The following NR3C2 variants were observed in gnomAD, a reference collection of about 807,000 sequenced individuals.
NR3C2 encodes the protein mineralocorticoid receptor.
NR3C2 carries 15 observed loss-of-function variants against 86.4 expected under a neutral mutation model. The ratio of observed to expected loss-of-function variants is 0.17; its 90% CI spans 0.12 to 0.27. The LOEUF is 0.27. NR3C2 is among the 10% of genes least tolerant of loss of function. The probability of loss-of-function intolerance (pLI) is 1.00; values close to 1 mark genes in which losing one functional copy is unlikely to be tolerated. For missense variants in NR3C2, 960 were observed against 1,195.6 expected (o/e 0.80, Z 2.91); for synonymous variants, 458 against 450.5 (o/e 1.02, Z -0.21).
intron 8 of NR3C2, among the ~76,000 whole-genome samples, chr4:148,107,951 C>T (rs528411288): frequency 6.6e-6 from 1 of 152,236 alleles, no homozygotes; most frequent in South Asian, 2.1e-4. Context: ...CACCATGGCA[C>T]ATGTATACCT....
At chr4:148,423,103 T>C (rs545709653) in intron 2 of NR3C2, among the ~76,000 whole-genome samples, 4 of 152,274 alleles carry the variant, frequency 2.6e-5, no homozygotes, top group African/African-American at 9.6e-5. Flanking sequence ...TCCCAACCAG[T>C]TGGGCTCCTA....
chr4:148,195,406 T>C (rs944694355), intron 3 of NR3C2, among the ~76,000 whole-genome samples: 30 of 152,312 alleles, frequency 2.0e-4, no homozygotes, highest in African/African-American at 6.0e-4. Flanking sequence ...AAATATGAAA[T>C]TGTAGCCTAG....
chr4:148,361,492 G>GC (rs1207185031), intron 2 of NR3C2, among the ~76,000 whole-genome samples: 4 of 152,206 alleles, frequency 2.6e-5, no homozygotes, highest in African/African-American at 9.6e-5. Context: ...GTAAGTTACT[G>GC]CCCTTAGGGG....
Position 148,436,049 on chromosome 4 carries a change from G to A in NR3C2, c.812C>T (p.Ser271Leu), listed in dbSNP as rs770935365. 6.2e-7 allele frequency: 1 copy of A among 1,614,208 alleles called. No homozygotes were observed. The highest frequency in any genetic ancestry group is 8.5e-7 in the Non-Finnish European group (1 of 1,180,038). Residue 271 changes from serine (S) to leucine (L), a missense_variant, in exon 2 of 9, where the codon TCA (serine) becomes TTA (leucine). Transcript: ENST00000358102. Reference protein sequence around the residue: ...LSSPLSSMKSSISSPPSHCSV... With the variant: ...LSSPLSSMKSLISSPPSHCSV... ...GCAGTGACTTGGAGGGCTGGAAATT[G>A]AGGATTTCATGCTACTTAACGGACT...
At chr4:148,092,646 T>A (rs746608005) in intron 8 of NR3C2, among the ~76,000 whole-genome samples, 5 of 152,212 alleles carry the variant, frequency 3.3e-5, no homozygotes, top group Non-Finnish European at 7.3e-5. Context: ...ATGAGCATCT[T>A]CATTTTGTGG....
chr4:148,100,426 T>C (rs923919352), intron 8 of NR3C2, among the ~76,000 whole-genome samples: 1 of 152,088 alleles, frequency 6.6e-6, no homozygotes, highest in South Asian at 2.1e-4. Flanking sequence ...TTGAAAGACG[T>C]TTCTTCAAAG....
At chr4:148,086,195 A>G (rs1730804203) in intron 8 of NR3C2, among the ~76,000 whole-genome samples, 2 of 152,204 alleles carry the variant, frequency 1.3e-5, no homozygotes, top group Admixed American at 6.5e-5. Context: ...TTTCAGGCCA[A>G]TTTCCCTGAT....
chr4:148,335,841 A>G (rs1466977831), intron 2 of NR3C2, among the ~76,000 whole-genome samples: 1 of 152,200 alleles, frequency 6.6e-6, no homozygotes, highest in Non-Finnish European at 1.5e-5. Context: ...ATACACAAAA[A>G]TTTTCACTGT....
At chr4:148,325,289 A>T (rs1743904965) in intron 2 of NR3C2, among the ~76,000 whole-genome samples, 1 of 152,204 alleles carries the variant, frequency 6.6e-6, no homozygotes, top group African/African-American at 2.4e-5. Context: ...TCATCTGCAA[A>T]ATGATGTCCT....
At chr4:148,203,655 C>G (rs1370556802) in intron 3 of NR3C2, among the ~76,000 whole-genome samples, 1 of 137,886 alleles carries the variant, frequency 7.3e-6, no homozygotes, top group African/African-American at 2.6e-5. Flanking sequence ...CCATCCCTCC[C>G]CCCGCCCCGC....
intron 2 of NR3C2, 96 bp from the exon 3 acceptor site, chr4:148,260,213 G>T: frequency 2.0e-6 from 3 of 1,483,200 alleles, no homozygotes; most frequent in Non-Finnish European, 2.8e-6. Flanking sequence ...ATCATGGTTC[G>T]ATACAAGAAT....
intron 2 of NR3C2, among the ~76,000 whole-genome samples, chr4:148,419,031 T>A (rs1749142235): frequency 6.6e-6 from 1 of 152,158 alleles, no homozygotes; most frequent in African/African-American, 2.4e-5. Context: ...CTCATCTTTT[T>A]CAAATGTATC....
At chr4:148,226,782 T>G (rs902197889) in intron 3 of NR3C2, among the ~76,000 whole-genome samples, 1 of 152,208 alleles carries the variant, frequency 6.6e-6, no homozygotes, top group Non-Finnish European at 1.5e-5. Context: ...TCTGGAGGTA[T>G]AAAATAGCAT....
intron 3 of NR3C2, among the ~76,000 whole-genome samples, chr4:148,200,096 A>G (rs1736644293): frequency 6.6e-6 from 1 of 152,250 alleles, no homozygotes; most frequent in South Asian, 2.1e-4. Flanking sequence ...AGGCTGAGAC[A>G]CAGTTAAGTG....
chr4:148,372,655 C>T (rs966168333), intron 2 of NR3C2, among the ~76,000 whole-genome samples: 1 of 152,096 alleles, frequency 6.6e-6, no homozygotes, highest in African/African-American at 2.4e-5. Flanking sequence ...AAATGGAAGG[C>T]ACATAAAAGG....
rs538585225 is a variant in NR3C2, at chr4:148,333,580, C to T, written c.1758-73463G>A. On this transcript the variant is annotated intron_variant, in intron 2 of 8. Transcript: ENST00000358102. ...GGAGAATGAAAAGTTGGAAGGACCA[C>T]GAGTCTCCAAAGATTATGCCAAGTC... 8.6e-5 allele frequency among the ~76,000 whole-genome samples: 13 copies of T among 151,674 alleles called. 1 individual carries two copies. In the South Asian group the frequency reaches 2.7e-3, roughly 32 times the overall value.
At chr4:148,434,491 T>A (rs1337729983) in intron 2 of NR3C2, among the ~76,000 whole-genome samples, 1 of 152,196 alleles carries the variant, frequency 6.6e-6, no homozygotes, top group Non-Finnish European at 1.5e-5. Context: ...GATTGTCCAC[T>A]TAGTAATTTT....
upstream of NR3C2, among the ~76,000 whole-genome samples, chr4:148,443,562 C>G (rs1750457798): frequency 6.6e-6 from 1 of 151,822 alleles, no homozygotes; most frequent in Non-Finnish European, 1.5e-5. Context: ...CACCCAAATG[C>G]TGCAGTTACT....
chr4:148,302,121 T>C (rs149555016), intron 2 of NR3C2, among the ~76,000 whole-genome samples: 12 of 152,326 alleles, frequency 7.9e-5, no homozygotes, highest in African/African-American at 2.6e-4. Context: ...CTTCAAATGA[T>C]GGTTTACAAA....
Sources: allele counts gnomAD v4.1 joint callset (sites outside exome capture counted in the v4.1 genomes callset), GRCh38; gene constraint gnomAD v4.1.1; transcripts MANE v1.5; gene names NCBI Gene and HGNC (gene_info 2026-07-23, HGNC 2026-07-21).